Variants in FAM227B observed in about 807,000 individuals in gnomAD.
FAM227B encodes family with sequence similarity 227 member B, also known as protein FAM227B.
FAM227B carries 88 observed loss-of-function variants against 73.8 expected under a neutral mutation model. The ratio of observed to expected loss-of-function variants is 1.19; its 90% CI spans 1.00 to 1.42. The LOEUF is 1.42. Among genes scored for constraint, FAM227B ranks in the 40% most tolerant of loss-of-function variants. The pLI is 0.00. For synonymous variants in FAM227B, 210 were observed against 190.5 expected (o/e 1.10, Z -0.84); for missense variants, 632 against 590.9 (o/e 1.07, Z -0.72).
At chr15:49,366,740 C>T (rs1672244972) in intron 13 of FAM227B, 3 of 906,350 alleles carry the variant, frequency 3.3e-6, no homozygotes, top group African/African-American at 1.6e-5. Context: ...GTGGGGTAGG[C>T]TGGGAGTCCC....
chr15:49,465,908 T>C (rs2054226349), intron 11 of FAM227B, among the ~76,000 whole-genome samples: 1 of 152,176 alleles, frequency 6.6e-6, no homozygotes. Flanking sequence ...GTTTTTGTCA[T>C]TTATTGAGGG....
rs1396007420 is a variant in FAM227B, at chr15:49,508,505, T to A, written c.875-157A>T. Among the ~76,000 whole-genome samples the A allele has an allele frequency of 2.0e-5, 3 of 152,228 alleles. No homozygotes were observed. In the East Asian group the frequency reaches 5.8e-4, roughly 29 times the overall value. ...AAGCTGCGTAGGATTAGATAAGTCA[T>A]CTAACCACTCTAAACATCTGTATCC... On this transcript the variant is annotated intron_variant, in intron 10 of 15. Transcript: ENST00000299338.
intron 13 of FAM227B, among the ~76,000 whole-genome samples, chr15:49,346,005 G>A (rs2041429403): frequency 6.6e-6 from 1 of 151,564 alleles, no homozygotes; most frequent in East Asian, 1.9e-4. Flanking sequence ...AGGTTAATTT[G>A]ATCAGGTCTG....
intron 11 of FAM227B, among the ~76,000 whole-genome samples, chr15:49,473,520 G>C (rs1289126447): frequency 1.3e-5 from 2 of 152,046 alleles, no homozygotes; most frequent in African/African-American, 4.8e-5. Context: ...TAAACACTCA[G>C]TAAATACTTG....
chr15:49,486,415 G>A (rs2056407634), intron 11 of FAM227B: 1 of 151,968 alleles, frequency 6.6e-6, no homozygotes, highest in African/African-American at 2.4e-5. Context: ...CTGTAGTCTT[G>A]TGAGCATATT....
intron 5 of FAM227B, among the ~76,000 whole-genome samples, chr15:49,586,608 C>T (rs533861017): frequency 3.9e-4 from 59 of 152,274 alleles, no homozygotes; most frequent in African/African-American, 1.3e-3. Context: ...AACCAACCTA[C>T]AGAATGGGAG....
At chr15:49,380,698 CTTTTTTTTCTACTTTA>C (rs539676424) in intron 11 of FAM227B, among the ~76,000 whole-genome samples, 36 of 151,872 alleles carry the variant, frequency 2.4e-4, no homozygotes, top group Non-Finnish European at 4.4e-4. Context: ...AAGTCCTTTA[CTTTTTTTTCTACTTTA>C]TTTTTTTTCT....
chr15:49,607,280 G>A (rs1036447752), intron 3 of FAM227B, among the ~76,000 whole-genome samples: 2 of 152,142 alleles, frequency 1.3e-5, no homozygotes, highest in African/African-American at 2.4e-5. Flanking sequence ...ATATAAATAC[G>A]TTAAGTGCCC....
chr15:49,604,508 A>G (rs1226907777), intron 3 of FAM227B, among the ~76,000 whole-genome samples: 2 of 152,070 alleles, frequency 1.3e-5, no homozygotes, highest in African/African-American at 4.8e-5. Flanking sequence ...ATTTCATTAT[A>G]ATGTATCTTG....
chr15:49,421,065 C>CA (rs1398242346), intron 11 of FAM227B, among the ~76,000 whole-genome samples: 10 of 151,644 alleles, frequency 6.6e-5, no homozygotes, highest in African/African-American at 1.2e-4. Context: ...CTACAAATAA[C>CA]AAAAAAAAGA....
intron 10 of FAM227B, among the ~76,000 whole-genome samples, chr15:49,508,618 T>A (rs1324944970): frequency 6.6e-6 from 1 of 152,026 alleles, no homozygotes; most frequent in Non-Finnish European, 1.5e-5. Context: ...AAATATGAAC[T>A]AATATTATTA....
chr15:49,595,483 G>C (rs924963250), intron 3 of FAM227B, among the ~76,000 whole-genome samples: 1 of 151,992 alleles, frequency 6.6e-6, no homozygotes, highest in Non-Finnish European at 1.5e-5. Flanking sequence ...GTACTGGGTT[G>C]AATAGAAGTG....
At chr15:49,407,780 T>C (rs1463429964) in intron 11 of FAM227B, among the ~76,000 whole-genome samples, 1 of 151,836 alleles carries the variant, frequency 6.6e-6, no homozygotes, top group East Asian at 1.9e-4. Context: ...ATTGTGTAAC[T>C]ACCCCCACAA....
intron 9 of FAM227B, among the ~76,000 whole-genome samples, chr15:49,554,018 G>A (rs2073357788): frequency 6.6e-6 from 1 of 152,152 alleles, no homozygotes; most frequent in South Asian, 2.1e-4. Flanking sequence ...AGGTGATAAT[G>A]TTGCCAGGAT....
In FAM227B at chr15:49,456,509, T is replaced by C. The variant is rs188657901; in HGVS notation, c.1012+51702A>G. Among the ~76,000 whole-genome samples, 9 of 152,250 alleles carry C rather than the reference T, an allele frequency of 5.9e-5. No homozygotes were observed. In the Middle Eastern group the frequency reaches 0.01, roughly 173 times the overall value. Reference sequence around the variant, plus strand: ...TTCCATTTATTCAATAAATTCAGCATTTCTACTATATGCAAGCATTCAACT... The same window carrying C: ...TTCCATTTATTCAATAAATTCAGCACTTCTACTATATGCAAGCATTCAACT... On this transcript the variant is annotated intron_variant, in intron 11 of 15. Transcript: ENST00000299338.
At chr15:49,515,207 G>A (rs2059297364) in intron 10 of FAM227B, among the ~76,000 whole-genome samples, 1 of 151,926 alleles carries the variant, frequency 6.6e-6, no homozygotes, top group African/African-American at 2.4e-5. Context: ...TAATTTCTCT[G>A]ATCTATGTTC....
intron 10 of FAM227B, among the ~76,000 whole-genome samples, chr15:49,509,273 G>T (rs1457070121): frequency 6.6e-6 from 1 of 152,274 alleles, no homozygotes; most frequent in East Asian, 1.9e-4. Flanking sequence ...ATGCTCATGG[G>T]CAAGTTGCCT....
chr15:49,586,052 A>G (rs2076141850), intron 5 of FAM227B, among the ~76,000 whole-genome samples: 1 of 151,944 alleles, frequency 6.6e-6, no homozygotes, highest in Non-Finnish European at 1.5e-5. Context: ...ATGGAACCAA[A>G]AATAGAGCTA....
At chr15:49,553,335 C>T (rs1248042487) in intron 9 of FAM227B, among the ~76,000 whole-genome samples, 1 of 152,202 alleles carries the variant, frequency 6.6e-6, no homozygotes, top group East Asian at 1.9e-4. Flanking sequence ...GACACAAGCA[C>T]TCCTGTGGCT....
Sources: allele counts gnomAD v4.1 joint callset (sites outside exome capture counted in the v4.1 genomes callset), GRCh38; gene constraint gnomAD v4.1.1; transcripts MANE v1.5; gene names NCBI Gene and HGNC (gene_info 2026-07-23, HGNC 2026-07-21).